NUP93: variants seen among roughly 807,000 people sequenced by gnomAD.
NUP93 encodes the protein nucleoporin 93.
A neutral mutation model predicts 107.8 loss-of-function variants in NUP93; 55 were observed. That is an observed-to-expected ratio of 0.51 (90% CI 0.41 to 0.64). The LOEUF (loss-of-function observed/expected upper bound fraction) is 0.64. NUP93 is among the 30% of genes least tolerant of loss of function. The probability of loss-of-function intolerance (pLI) is 0.00; values close to 1 mark genes in which losing one functional copy is unlikely to be tolerated. For missense variants in NUP93, 937 were observed against 1,044.7 expected (o/e 0.90, Z 1.42); for synonymous variants, 390 against 397.5 (o/e 0.98, Z 0.22).
rs138944474 is a variant in NUP93, at chr16:56,758,527, T to A, written c.180-11T>A. On this transcript the variant is annotated splice_polypyrimidine_tract_variant and intron_variant, in intron 2 of 21. Coordinates refer to ENST00000308159, the MANE Select transcript of NUP93 (RefSeq NM_014669.5). ...CTTACTTATATCTCCCTATTCTATA[T>A]CCTCACATAGGTCAGTTCTCCTCGG... 1,711 of 1,596,650 alleles carry A rather than the reference T, an allele frequency of 1.1e-3. 28 individuals are homozygous for A. The East Asian group carries it at 0.031, about 29-fold the overall frequency.
intron 5 of NUP93, among the ~76,000 whole-genome samples, chr16:56,817,008 G>A (rs976179288): frequency 6.6e-6 from 1 of 152,090 alleles, no homozygotes; most frequent in Non-Finnish European, 1.5e-5. Context: ...CTAATAACTC[G>A]AAATGCCAGC....
At chr16:56,794,694 C>T (rs373364107) in intron 3 of NUP93, among the ~76,000 whole-genome samples, 15 of 151,346 alleles carry the variant, frequency 9.9e-5, no homozygotes, top group Non-Finnish European at 1.6e-4. Context: ...TTTGGGAGGC[C>T]GAGGCGGGTG....
chr16:56,820,667 C>T (rs1963524767), intron 6 of NUP93, among the ~76,000 whole-genome samples: 1 of 152,140 alleles, frequency 6.6e-6, no homozygotes, highest in Non-Finnish European at 1.5e-5. Context: ...TACTGATGTT[C>T]CCCCATTTAA....
chr16:56,800,840 G>A (rs1339120819), intron 4 of NUP93, among the ~76,000 whole-genome samples: 2 of 152,166 alleles, frequency 1.3e-5, no homozygotes, highest in Non-Finnish European at 2.9e-5. Context: ...AGTAATAAAC[G>A]GGTGTGAAGT....
At chr16:56,797,069 G>A (rs1246287653) in intron 3 of NUP93, among the ~76,000 whole-genome samples, 2 of 152,064 alleles carry the variant, frequency 1.3e-5, no homozygotes, top group South Asian at 2.1e-4. Flanking sequence ...CAACGTGTTG[G>A]CCTCATCATG....
intron 3 of NUP93, among the ~76,000 whole-genome samples, chr16:56,797,096 C>T (rs989029113): frequency 2.2e-4 from 34 of 151,934 alleles, no homozygotes; most frequent in African/African-American, 8.0e-4. Context: ...ATTGTGAAAC[C>T]CTGTCTCTAC....
chr16:56,785,840 G>C (rs1405372522), intron 3 of NUP93, among the ~76,000 whole-genome samples: 1 of 152,178 alleles, frequency 6.6e-6, no homozygotes, highest in Non-Finnish European at 1.5e-5. Context: ...GGCTTCAAAT[G>C]TTCCTTCTAA....
chr16:56,744,864 G>T (rs1265815021), intron 1 of NUP93, among the ~76,000 whole-genome samples: 1 of 152,184 alleles, frequency 6.6e-6, no homozygotes, highest in Non-Finnish European at 1.5e-5. Flanking sequence ...GAATGTTTCT[G>T]TTCAGATCTC....
At chr16:56,805,812 G>A (rs1053623647) in intron 5 of NUP93, 180 bp downstream of exon 5, 31 of 623,922 alleles carry the variant, frequency 5.0e-5, no homozygotes, top group East Asian at 1.5e-4. Context: ...TGCCTGCTTC[G>A]TCTCAGTCTC....
intron 1 of NUP93, among the ~76,000 whole-genome samples, chr16:56,732,764 A>AG (rs1961554975): frequency 6.6e-6 from 1 of 152,188 alleles, no homozygotes. Context: ...ATGGAGTTAG[A>AG]GGGAAGATCT....
At chr16:56,757,548 G>C (rs1417755585) in intron 2 of NUP93, among the ~76,000 whole-genome samples, 3 of 152,144 alleles carry the variant, frequency 2.0e-5, no homozygotes, top group Non-Finnish European at 4.4e-5. Context: ...CTTTTTTACA[G>C]AGAGTGTTCT....
intron 3 of NUP93, among the ~76,000 whole-genome samples, chr16:56,768,349 A>AG (rs1355322531): frequency 6.6e-6 from 1 of 150,954 alleles, no homozygotes; most frequent in Non-Finnish European, 1.5e-5. Flanking sequence ...GGATCACCTG[A>AG]GGTCGGGAGT....
At chr16:56,779,721 AT>A (rs1342242045) in intron 3 of NUP93, among the ~76,000 whole-genome samples, 5 of 152,168 alleles carry the variant, frequency 3.3e-5, no homozygotes, top group Non-Finnish European at 7.4e-5. Context: ...GGCTGAGCTG[AT>A]TTAGAATTTA....
In NUP93 at chr16:56,844,998, C is replaced by T. The variant is rs1964099069; in HGVS notation, c.*389C>T. ...TATTTAGATATAATATTCCATATAG[C>T]AGAGTCACGATTCATTTTCACATTT... On this transcript the variant is annotated 3_prime_UTR_variant, in exon 22 of 22. Transcript: ENST00000308159. The T allele has an allele frequency of 3.6e-6, 1 of 281,180 alleles. No individual in the cohort carries two copies. Among genetic ancestry groups the T allele is most frequent in the South Asian group, 1.7e-4 (1 of 6,034 alleles). The allele number at this position is 281,180 out of a possible 1,614,324, so 17.4% of individuals were successfully genotyped here. A position where few individuals can be genotyped will look rare whatever the true frequency, so the allele number is the denominator to read the frequency against.
At chr16:56,837,027 A>G (rs898630490) in intron 17 of NUP93, among the ~76,000 whole-genome samples, 2 of 152,258 alleles carry the variant, frequency 1.3e-5, no homozygotes, top group Non-Finnish European at 2.9e-5. Context: ...TGAAAATTAC[A>G]TTATGCTGAC....
intron 3 of NUP93, among the ~76,000 whole-genome samples, chr16:56,766,458 C>G (rs753434941): frequency 2.0e-5 from 3 of 152,206 alleles, no homozygotes; most frequent in Admixed American, 6.5e-5. Flanking sequence ...AGTCTGGCAT[C>G]TATAAATTGC....
chr16:56,793,927 C>T (rs1962825117), intron 3 of NUP93, among the ~76,000 whole-genome samples: 2 of 151,912 alleles, frequency 1.3e-5, no homozygotes, highest in South Asian at 4.2e-4. Context: ...GTGGCGTGTG[C>T]CTGTAGTCCC....
rs566545645 is a variant in NUP93, at chr16:56,841,538, A to C, written c.2221-167A>C. 1.1e-5 allele frequency: 8 copies of C among 740,132 alleles called. No individual in the cohort carries two copies. In the African/African-American group the frequency reaches 1.2e-4, roughly 11 times the overall value. The allele number at this position is 740,132 out of a possible 1,614,324, so 45.8% of individuals were successfully genotyped here. A position where few individuals can be genotyped will look rare whatever the true frequency, so the allele number is the denominator to read the frequency against. ...TGCTTGGGTTTTTTTCTCACACTTG[A>C]TGTTTCAGTGCCATCAGCTCCTTTT... On this transcript the variant is annotated intron_variant, in intron 20 of 21. Transcript: ENST00000308159.
In NUP93 at chr16:56,833,203, C is replaced by CCT. The variant is rs779062323; in HGVS notation, c.1346-6_1346-5dup. The CCT allele has an allele frequency of 1.3e-6, 2 of 1,592,636 alleles. No homozygotes were observed. The highest frequency in any genetic ancestry group is 1.7e-6 in the Non-Finnish European group (2 of 1,172,780). On this transcript the variant is annotated splice_polypyrimidine_tract_variant and intron_variant, in intron 12 of 21. Coordinates refer to ENST00000308159, the MANE Select transcript of NUP93 (RefSeq NM_014669.5). ...AAGTTGGTTTTATCTCCTCTCCTCT[C>CCT]CTCTCTCCCAGGCGAGTCCCACTTT...
Sources: gnomAD v4.1 joint callset for allele counts (sites outside exome capture counted in the v4.1 genomes callset) on GRCh38, gnomAD v4.1.1 for gene constraint, MANE v1.5 for transcripts, NCBI Gene and HGNC (gene_info 2026-07-23, HGNC 2026-07-21) for gene names.